Variants in ARFGEF1 observed in about 807,000 individuals in gnomAD.
ARFGEF1 encodes the protein brefeldin A-inhibited guanine nucleotide-exchange protein 1.
Under a neutral mutation model 231.0 loss-of-function variants are expected in ARFGEF1, and 42 were observed. That is an observed-to-expected ratio of 0.18 (90% CI 0.14 to 0.24). The LOEUF (loss-of-function observed/expected upper bound fraction) is 0.24, where lower values mean the gene tolerates loss of function less well. Among genes scored for constraint, ARFGEF1 ranks in the 10% least tolerant of loss-of-function variants. ARFGEF1 has a pLI of 1.00. For missense variants in ARFGEF1, 1,345 were observed against 2,192.0 expected (o/e 0.61, Z 7.72); for synonymous variants, 710 against 732.3 (o/e 0.97, Z 0.49).
In ARFGEF1 at chr8:67,217,877, A is replaced by G; in HGVS notation, c.4518T>C (p.Asn1506=). The change falls in exon 32 of 39, where the codon AAT becomes AAC. Residue 1506 remains asparagine (N), a synonymous_variant. Transcript: ENST00000262215. ...LARSGTNCLE[N]VVILNGEKFT... is the part of the protein sequence containing the mutation. The stretch of plus-strand genomic sequence containing the variant: ...ATTTTTCACCATTCAGAATAACAAC[A>G]TTCTCTAAACAGTTTGTACCAGATC... The G allele has an allele frequency of 1.9e-6, 3 of 1,614,084 alleles. No homozygotes were observed. The highest frequency in any genetic ancestry group is 1.7e-6 in the Non-Finnish European group (2 of 1,179,982).
Position 67,207,568 on chromosome 8 carries a change from CA to C in ARFGEF1, c.4820-2750del, listed in dbSNP as rs1335931171. 2.0e-5 allele frequency among the ~76,000 whole-genome samples: 3 copies of C among 152,206 alleles called. No homozygotes were observed. The East Asian group carries it at 5.8e-4, about 29-fold the overall frequency. ...CACTGCCAGGGTTATATTAGTCAAC[CA>C]TTTCATTGTCCACACAACAGAGAGC... On this transcript the variant is annotated intron_variant, in intron 34 of 38. Transcript: ENST00000262215.
Position 67,201,506 on chromosome 8 carries a change from C to T in ARFGEF1, c.5228G>A (p.Arg1743His), listed in dbSNP as rs753689074. The change falls in exon 37 of 39, where the codon CGC becomes CAC. Residue 1743 changes from arginine to histidine, a missense_variant. Around this residue, in one of 14 missense-constraint regions of ARFGEF1, gnomAD observed 161 missense variants for 284.9 expected, o/e 0.57. Coordinates refer to ENST00000262215, the MANE Select transcript of ARFGEF1 (RefSeq NM_006421.5). The stretch of plus-strand genomic sequence containing the variant: ...CTGGACCTCCTCCCAGGCACTAACG[C>T]GGCTCTCATCCATGTACATCCGGAA... Reference protein sequence around the residue: ...ILFRMYMDESRVSAWEEVQQR... With the variant: ...ILFRMYMDESHVSAWEEVQQR... 33 of 1,611,876 alleles carry T rather than the reference C, an allele frequency of 2.0e-5. No homozygotes were observed. Among genetic ancestry groups the T allele is most frequent in the East Asian group, 1.1e-4 (5 of 44,636 alleles).
chr8:67,336,582 C>T (rs1479765070), intron 1 of ARFGEF1, among the ~76,000 whole-genome samples: 1 of 152,186 alleles, frequency 6.6e-6, no homozygotes, highest in Non-Finnish European at 1.5e-5. Context: ...TTCTGGCATT[C>T]CATAGCATGT....
intron 30 of ARFGEF1, 34 bp downstream of exon 30, chr8:67,219,397 G>T: frequency 6.3e-7 from 1 of 1,592,104 alleles, no homozygotes; most frequent in South Asian, 1.2e-5. Flanking sequence ...CTTTTAACTT[G>T]ACTAAGCTAA....
chr8:67,250,776 G>T (rs1429479640), intron 19 of ARFGEF1, among the ~76,000 whole-genome samples: 1 of 152,188 alleles, frequency 6.6e-6, no homozygotes, highest in East Asian at 1.9e-4. Flanking sequence ...TTGGAGAAAG[G>T]ATAGAGAATG....
intron 23 of ARFGEF1, among the ~76,000 whole-genome samples, chr8:67,230,192 C>T (rs1252872591): frequency 1.3e-5 from 2 of 152,032 alleles, no homozygotes; most frequent in Non-Finnish European, 2.9e-5. Context: ...AAAGTCAAGC[C>T]TTAACATTAA....
chr8:67,197,019 T>A (rs1838043229), downstream of ARFGEF1, among the ~76,000 whole-genome samples: 1 of 152,244 alleles, frequency 6.6e-6, no homozygotes, highest in African/African-American at 2.4e-5. Context: ...TTTTGTTTAA[T>A]GCCATGTACC....
At chr8:67,208,136 T>C (rs1045944094) in intron 34 of ARFGEF1, among the ~76,000 whole-genome samples, 10 of 152,186 alleles carry the variant, frequency 6.6e-5, no homozygotes, top group African/African-American at 2.4e-4. Flanking sequence ...TTCTGTTCTT[T>C]GGAGAACAGA....
chr8:67,174,300 T>C (rs1242078183), downstream of ARFGEF1: 1 of 152,202 alleles, frequency 6.6e-6, no homozygotes, highest in Non-Finnish European at 1.5e-5. Context: ...TTTTGTTCTT[T>C]TGATAATTTC....
intron 10 of ARFGEF1, among the ~76,000 whole-genome samples, chr8:67,270,529 A>T (rs572531818): frequency 3.9e-4 from 59 of 152,298 alleles, no homozygotes; most frequent in African/African-American, 1.4e-3. Context: ...TATATCAAAC[A>T]TAATATGAAG....
intron 22 of ARFGEF1, among the ~76,000 whole-genome samples, chr8:67,235,562 C>T (rs556021569): frequency 1.6e-4 from 24 of 152,272 alleles, no homozygotes; most frequent in African/African-American, 5.8e-4. Flanking sequence ...GGTGCCATGG[C>T]TCGTGCCTCT....
intron 29 of ARFGEF1, among the ~76,000 whole-genome samples, chr8:67,220,721 C>A (rs1244383770): frequency 6.6e-6 from 1 of 152,202 alleles, no homozygotes; most frequent in Non-Finnish European, 1.5e-5. Flanking sequence ...GCTCCCTCGT[C>A]CTCCATCTGC....
In ARFGEF1 at chr8:67,175,554, CT is replaced by C. The variant is rs772607300; in HGVS notation, c.578del (p.Ter193TrpfsTer?). 4.2e-6 allele frequency: 5 copies of C among 1,197,560 alleles called. No individual in the cohort carries two copies. The highest frequency in any genetic ancestry group is 6.1e-6 in the Non-Finnish European group (5 of 818,778). The allele number at this position is 1,197,560 out of a possible 1,614,324, so 74.2% of individuals were successfully genotyped here. ...TCCTCCTTTCACTGGCAGCCCCATG[CT>C]CACAGGGTCCGTTTGGTCTGTAGTA... On this transcript the variant is annotated frameshift_variant and stop_lost, in exon 6 of 6. Transcript: ENST00000518789. LOFTEE classifies it high-confidence loss of function.
intron 7 of ARFGEF1, among the ~76,000 whole-genome samples, chr8:67,280,398 G>A (rs10094615): frequency 0.048 from 7,337 of 152,222 alleles, 528 homozygotes; most frequent in African/African-American, 0.16. Context: ...AAAGGAGAGA[G>A]CAGCATCTCA....
intron 1 of ARFGEF1, among the ~76,000 whole-genome samples, chr8:67,326,550 G>A (rs887009732): frequency 6.6e-6 from 1 of 152,138 alleles, no homozygotes; most frequent in Admixed American, 6.5e-5. Context: ...ATGAAGCTAA[G>A]GCTTGTGTTT....
intron 1 of ARFGEF1, among the ~76,000 whole-genome samples, chr8:67,338,836 G>GT (rs1357759968): frequency 9.2e-5 from 14 of 152,254 alleles, no homozygotes. Context: ...ATTTGTTAAT[G>GT]GATTTAAATT....
intron 29 of ARFGEF1, 94 bp downstream of exon 29, chr8:67,224,809 G>T: frequency 1.3e-6 from 1 of 783,882 alleles, no homozygotes; most frequent in Non-Finnish European, 1.8e-6. Context: ...TTGATTTTAT[G>T]GTCTTTAACT....
chr8:67,211,693 T>A, intron 33 of ARFGEF1, 78 bp from the exon 34 acceptor site: 4 of 823,562 alleles, frequency 4.9e-6, no homozygotes, highest in South Asian at 3.4e-5. Context: ...AACGCTATTT[T>A]AAAAAATTAT....
intron 5 of ARFGEF1, among the ~76,000 whole-genome samples, chr8:67,293,544 G>T (rs1587242520): frequency 2.6e-5 from 4 of 152,200 alleles, no homozygotes; most frequent in Admixed American, 2.6e-4. Context: ...ATAGATAATA[G>T]GCTATATCCT....
Sources: allele counts gnomAD v4.1 joint callset (sites outside exome capture counted in the v4.1 genomes callset), GRCh38; gene constraint gnomAD v4.1.1; regional missense constraint gnomAD v4.1.1; transcripts MANE v1.5; gene names NCBI Gene and HGNC (gene_info 2026-07-23, HGNC 2026-07-21).